Variants in TRIM33 observed in about 807,000 individuals in gnomAD.
TRIM33 encodes tripartite motif containing 33, also known as E3 ubiquitin-protein ligase TRIM33.
A neutral mutation model predicts 125.4 loss-of-function variants in TRIM33; 20 were observed. That is an observed-to-expected ratio of 0.16 (90% CI 0.11 to 0.23). TRIM33 has a LOEUF of 0.23. Ranked by LOEUF, TRIM33 falls within the 10% of genes least tolerant of loss-of-function variation. The pLI is 1.00. For synonymous variants in TRIM33, 564 were observed against 513.9 expected, an observed-to-expected ratio of 1.10 and a Z score of -1.32; for missense variants, 920 against 1,411.4, an observed-to-expected ratio of 0.65 and a Z score of 5.58.
In TRIM33 at chr1:114,394,733, A is replaced by G. The variant is rs1039466563; in HGVS notation, c.*2915T>C. The G allele has an allele frequency of 6.5e-5, 13 of 201,344 alleles. No individual in the cohort carries two copies. Among genetic ancestry groups the G allele is most frequent in the African/African-American group, 1.1e-4 (5 of 43,516 alleles). The allele number at this position is 201,344 out of a possible 1,614,324, so 12.5% of individuals were successfully genotyped here. Reference sequence around the variant, plus strand: ...ATAGAGCACGACCTACAATCTAACCATACTTTAGAACTTTCACATGCTTTG... The same window carrying G: ...ATAGAGCACGACCTACAATCTAACCGTACTTTAGAACTTTCACATGCTTTG... On this transcript the variant is annotated 3_prime_UTR_variant, in exon 20 of 20. Coordinates refer to ENST00000358465, the MANE Select transcript of TRIM33 (RefSeq NM_015906.4).
intron 1 of TRIM33, among the ~76,000 whole-genome samples, chr1:114,487,148 T>G (rs114954058): frequency 0.026 from 3,880 of 146,872 alleles, 87 homozygotes; most frequent in Non-Finnish European, 0.035. Context: ...TTTGACAAAA[T>G]ACATAAACCT....
In TRIM33 at chr1:114,504,169, T is replaced by A. The variant is rs572081368; in HGVS notation, c.526+6382A>T. Reference sequence around the variant, plus strand: ...ATCCTTTTTTTTTATTTTTTTATTTTTTTTATTTTTTTAAAGACAGGGTCT... The same window carrying A: ...ATCCTTTTTTTTTATTTTTTTATTTATTTTATTTTTTTAAAGACAGGGTCT... On this transcript the variant is annotated intron_variant, in intron 1 of 19. Transcript: ENST00000358465. 1.8e-4 allele frequency among the ~76,000 whole-genome samples: 27 copies of A among 152,148 alleles called. No individual in the cohort carries two copies. In the South Asian group the frequency reaches 1.9e-3, roughly 11 times the overall value.
intron 5 of TRIM33, 33 bp downstream of exon 5, chr1:114,433,584 C>T: frequency 7.5e-7 from 1 of 1,326,310 alleles, no homozygotes; most frequent in South Asian, 1.3e-5. Flanking sequence ...TTTAGTAATT[C>T]TTAAAATTAT....
At position 114,433,598 on chromosome 1, in the gene TRIM33, T is replaced by G; in HGVS notation, c.1040+19A>C. ...TTTTAGTAATTCTTAAAATTATGGT[T>G]TTAAGGCAACAAACTTACCTATTCT... On this transcript the variant is annotated intron_variant, in intron 5 of 19. Transcript: ENST00000358465. 6.8e-7 allele frequency: 1 copy of G among 1,459,934 alleles called. No homozygotes were observed. The highest frequency in any genetic ancestry group is 9.4e-7 in the Non-Finnish European group (1 of 1,060,968). 90.4% of individuals were successfully genotyped at this position (1,459,934 alleles called of 1,614,324 possible).
At chr1:114,504,894 C>G (rs1652908048) in intron 1 of TRIM33, among the ~76,000 whole-genome samples, 1 of 152,132 alleles carries the variant, frequency 6.6e-6, no homozygotes, top group African/African-American at 2.4e-5. Flanking sequence ...CCTTTAAAAC[C>G]ACAATTTACC....
chr1:114,478,278 T>C (rs182281120), intron 1 of TRIM33, among the ~76,000 whole-genome samples: 206 of 152,332 alleles, frequency 1.4e-3, no homozygotes, highest in Non-Finnish European at 2.3e-3. Flanking sequence ...AACAGCAGCT[T>C]TGCTGTCACA....
Position 114,397,589 on chromosome 1 carries a change from GTTTTTTTT to G in TRIM33, c.*51_*58del. Reference sequence around the variant, plus strand: ...CTTAAAAGTTTTCTGGGTTTTTTGTGTTTTTTTTTTTTTTTTCGTTTTTTTTTTTTTAA... The same window carrying G: ...CTTAAAAGTTTTCTGGGTTTTTTGTGTTTTTTTTCGTTTTTTTTTTTTTAA... On this transcript the variant is annotated 3_prime_UTR_variant, in exon 20 of 20. Transcript: ENST00000358465. 1.6e-6 allele frequency: 1 copy of G among 637,684 alleles called. No homozygotes were observed. Among genetic ancestry groups the G allele is most frequent in the Non-Finnish European group, 2.4e-6 (1 of 424,414 alleles). The allele number at this position is 637,684 out of a possible 1,614,324, so 39.5% of individuals were successfully genotyped here.
intron 1 of TRIM33, among the ~76,000 whole-genome samples, chr1:114,480,646 A>G (rs1344063356): frequency 6.6e-6 from 1 of 152,142 alleles, no homozygotes; most frequent in Non-Finnish European, 1.5e-5. Flanking sequence ...GAAGGAAAAG[A>G]ACAAAAATGA....
chr1:114,428,496 G>A (rs370079190), intron 6 of TRIM33, among the ~76,000 whole-genome samples: 1 of 152,150 alleles, frequency 6.6e-6, no homozygotes, highest in African/African-American at 2.4e-5. Flanking sequence ...TGCTTTATGG[G>A]AACTAAAATC....
intron 6 of TRIM33, among the ~76,000 whole-genome samples, chr1:114,430,442 C>T (rs1283039271): frequency 6.6e-6 from 1 of 152,066 alleles, no homozygotes; most frequent in Non-Finnish European, 1.5e-5. Context: ...CAGGTTTCGC[C>T]ATGTTGCCTG....
chr1:114,465,164 T>G (rs890727095), intron 1 of TRIM33, among the ~76,000 whole-genome samples: 2 of 152,326 alleles, frequency 1.3e-5, no homozygotes, highest in African/African-American at 4.8e-5. Context: ...CATGCTAATA[T>G]GAGAAGAAAG....
At chr1:114,449,044 T>C (rs1303584499) in intron 4 of TRIM33, among the ~76,000 whole-genome samples, 1 of 151,836 alleles carries the variant, frequency 6.6e-6, no homozygotes, top group Non-Finnish European at 1.5e-5. Context: ...GAAAAAAACC[T>C]TTGAGAGATG....
intron 1 of TRIM33, among the ~76,000 whole-genome samples, chr1:114,486,772 G>C (rs893146271): frequency 6.6e-6 from 1 of 152,046 alleles, no homozygotes; most frequent in African/African-American, 2.4e-5. Flanking sequence ...TCCAGAAGGA[G>C]AGGAGTACAT....
intron 1 of TRIM33, among the ~76,000 whole-genome samples, chr1:114,471,340 C>T (rs1290741045): frequency 1.3e-5 from 2 of 151,744 alleles, no homozygotes; most frequent in African/African-American, 2.4e-5. Flanking sequence ...ACTCGGGAGG[C>T]TGAGGCAGGA....
At position 114,393,123 on chromosome 1, in the gene TRIM33, T is replaced by C. The variant is rs1651367683; in HGVS notation, c.*4525A>G. 4.8e-6 allele frequency: 1 copy of C among 208,154 alleles called. No homozygotes were observed. The highest frequency in any genetic ancestry group is 9.8e-6 in the Non-Finnish European group (1 of 101,806). 12.9% of individuals were successfully genotyped at this position (208,154 alleles called of 1,614,324 possible). A position where few individuals can be genotyped will look rare whatever the true frequency, so the allele number is the denominator to read the frequency against. On this transcript the variant is annotated 3_prime_UTR_variant, in exon 20 of 20. Coordinates refer to ENST00000358465, the MANE Select transcript of TRIM33 (RefSeq NM_015906.4). ...TGTGCAAAAATAATAGTACTAGTAG[T>C]AATAATAATAATGAGGGGAGGAGAC...
At position 114,483,659 on chromosome 1, in the gene TRIM33, C is replaced by T. The variant is rs547856550; in HGVS notation, c.527-19271G>A. On this transcript the variant is annotated intron_variant, in intron 1 of 19. Coordinates refer to ENST00000358465, the MANE Select transcript of TRIM33 (RefSeq NM_015906.4). ...AACTCCTGAGCTCAGGCAATCCACC[C>T]GCCTCAGCCTCCCAAAGTGCTGGGA... Among the ~76,000 whole-genome samples the T allele has an allele frequency of 8.0e-4, 121 of 152,084 alleles. 1 individual carries two copies. Among genetic ancestry groups the T allele is most frequent in the African/African-American group, 2.8e-3 (116 of 41,488 alleles).
chr1:114,398,898 C>CAAAAAAAAAAAAAAAAAAAAAA (rs372853872), intron 18 of TRIM33, among the ~76,000 whole-genome samples: 2 of 60,764 alleles, frequency 3.3e-5, no homozygotes, highest in African/African-American at 7.2e-5. Context: ...AACTTACCCT[C>CAAAAAAAAAAAAAAAAAAAAAA]AAAAAAAAAA....
intron 10 of TRIM33, among the ~76,000 whole-genome samples, chr1:114,423,871 G>T (rs1572036856): frequency 1.3e-5 from 2 of 152,022 alleles, no homozygotes; most frequent in African/African-American, 4.8e-5. Context: ...CTGATTCAGT[G>T]GTTATGGCTA....
At chr1:114,462,382 A>AT (rs1239686836) in intron 4 of TRIM33, among the ~76,000 whole-genome samples, 5 of 152,178 alleles carry the variant, frequency 3.3e-5, no homozygotes, top group Admixed American at 6.5e-5. Flanking sequence ...TCTCTTATAC[A>AT]TTTTTGGCAA....
Sources: gnomAD v4.1 joint callset for allele counts (sites outside exome capture counted in the v4.1 genomes callset) on GRCh38, gnomAD v4.1.1 for gene constraint, MANE v1.5 for transcripts, NCBI Gene and HGNC (gene_info 2026-07-23, HGNC 2026-07-21) for gene names.